Variants in EGFLAM observed in about 807,000 individuals in gnomAD.
EGFLAM encodes pikachurin.
Under a neutral mutation model 113.1 loss-of-function variants are expected in EGFLAM, and 79 were observed. The observed-to-expected ratio is 0.70, with a 90% CI of 0.58 to 0.84. EGFLAM has a LOEUF of 0.84. EGFLAM is among the 40% of genes least tolerant of loss of function. The pLI is 0.00. For synonymous variants in EGFLAM, 504 were observed against 487.6 expected, an observed-to-expected ratio of 1.03 and a Z score of -0.44; for missense variants, 1,265 against 1,291.6, an observed-to-expected ratio of 0.98 and a Z score of 0.32.
chr5:38,398,797 A>G (rs1008796146), intron 6 of EGFLAM, among the ~76,000 whole-genome samples: 4 of 152,216 alleles, frequency 2.6e-5, no homozygotes, highest in Non-Finnish European at 4.4e-5. Flanking sequence ...CTAACCAACC[A>G]ATTCTTGAAC....
At chr5:38,450,461 A>G (rs1561101737) in intron 18 of EGFLAM, among the ~76,000 whole-genome samples, 1 of 152,246 alleles carries the variant, frequency 6.6e-6, no homozygotes, top group Non-Finnish European at 1.5e-5. Context: ...TGTGTGAGAC[A>G]GACAGAGGGA....
chr5:38,325,721 A>G (rs1359475019), intron 1 of EGFLAM, among the ~76,000 whole-genome samples: 1 of 152,236 alleles, frequency 6.6e-6, no homozygotes, highest in Non-Finnish European at 1.5e-5. Flanking sequence ...CTCTTTACTG[A>G]TGAGCAGTTA....
At chr5:38,308,404 C>CATTCCCT (rs574312399) in intron 1 of EGFLAM, among the ~76,000 whole-genome samples, 1,850 of 152,266 alleles carry the variant, frequency 0.012, 44 homozygotes, top group African/African-American at 0.042. Context: ...ATGCTGAAGG[C>CATTCCCT]TGGGATGTAC....
chr5:38,353,799 T>C (rs540365471), intron 5 of EGFLAM, among the ~76,000 whole-genome samples: 1 of 152,334 alleles, frequency 6.6e-6, no homozygotes, highest in South Asian at 2.1e-4. Context: ...TCATTTTAGA[T>C]GGGCTTTTCC....
In EGFLAM at chr5:38,378,007, T is replaced by C. The variant is rs115331662; in HGVS notation, c.712+7545T>C. Among the ~76,000 whole-genome samples the C allele has an allele frequency of 9.4e-3, 1,426 of 152,332 alleles. 15 individuals carry two copies. The highest frequency in any genetic ancestry group is 0.032 in the African/African-American group (1,328 of 41,562). On this transcript the variant is annotated intron_variant, in intron 6 of 21. Transcript: ENST00000322350. ...AATTATGGTCTCAGATCCTCAGGGATTACATAGAGAAGTATGAGAGATGTT... is the reference window on the plus strand; with the variant it reads ...AATTATGGTCTCAGATCCTCAGGGACTACATAGAGAAGTATGAGAGATGTT...
rs1757966452 is a variant in EGFLAM, at chr5:38,279,537, AT to A, written c.97+20687del. Among the ~76,000 whole-genome samples, 3 of 152,246 alleles carry A rather than the reference AT, an allele frequency of 2.0e-5. No homozygotes were observed. The East Asian group carries it at 5.8e-4, about 29-fold the overall frequency. On this transcript the variant is annotated intron_variant, in intron 1 of 21. Transcript: ENST00000322350. ...CCACAATGATATATTATTCACCATA[AT>A]AAAAAGAAGGAAGTCATATCATTTG...
At chr5:38,423,306 TAGG>T (rs1435991151) in intron 12 of EGFLAM, among the ~76,000 whole-genome samples, 2 of 152,136 alleles carry the variant, frequency 1.3e-5, no homozygotes, top group Non-Finnish European at 2.9e-5. Context: ...TCACTCCCTA[TAGG>T]AGTTTTTTCA....
chr5:38,397,201 G>T (rs1281065576), intron 6 of EGFLAM, among the ~76,000 whole-genome samples: 3 of 152,206 alleles, frequency 2.0e-5, no homozygotes, highest in African/African-American at 4.8e-5. Flanking sequence ...AGTACTTAGA[G>T]CTACTTTTCC....
At chr5:38,299,955 A>G (rs950408281) in intron 1 of EGFLAM, among the ~76,000 whole-genome samples, 1 of 152,208 alleles carries the variant, frequency 6.6e-6, no homozygotes, top group South Asian at 2.1e-4. Context: ...CATAGAACTT[A>G]TACTCAAGCA....
At chr5:38,420,695 A>G (rs1741793618) in intron 12 of EGFLAM, among the ~76,000 whole-genome samples, 1 of 152,212 alleles carries the variant, frequency 6.6e-6, no homozygotes, top group African/African-American at 2.4e-5. Context: ...CTTCAGGGGA[A>G]CAGCCCTGAA....
chr5:38,452,183 G>T (rs1359449237), intron 19 of EGFLAM, among the ~76,000 whole-genome samples: 1 of 151,662 alleles, frequency 6.6e-6, no homozygotes, highest in Non-Finnish European at 1.5e-5. Flanking sequence ...ATTATAGCAC[G>T]TGCCACCATG....
intron 20 of EGFLAM, 142 bp from the exon 21 acceptor site, chr5:38,462,766 T>C (rs1743330261): frequency 3.2e-6 from 3 of 944,498 alleles, no homozygotes; most frequent in Admixed American, 4.8e-5. Context: ...GCTTTTTGCT[T>C]TGATTTCTGC....
chr5:38,457,380 G>C (rs1015522905), intron 19 of EGFLAM, among the ~76,000 whole-genome samples: 1 of 152,176 alleles, frequency 6.6e-6, no homozygotes, highest in Admixed American at 6.5e-5. Context: ...GGCTTCTTCT[G>C]GAGGGTCTCA....
chr5:38,461,129 G>T (rs576213981), intron 20 of EGFLAM: 2 of 152,110 alleles, frequency 1.3e-5, no homozygotes, highest in African/African-American at 2.4e-5. Context: ...TGCTTTGTAC[G>T]CATAACATCT....
At chr5:38,445,581 G>A (rs1742680625) in intron 17 of EGFLAM, 2 of 1,596,788 alleles carry the variant, frequency 1.3e-6, no homozygotes, top group South Asian at 1.1e-5. Context: ...AGAGAAACAA[G>A]GCTGGCTTCA....
At chr5:38,369,190 T>C (rs1740143283) in intron 5 of EGFLAM, among the ~76,000 whole-genome samples, 1 of 152,238 alleles carries the variant, frequency 6.6e-6, no homozygotes, top group African/African-American at 2.4e-5. Flanking sequence ...GAGTGGCATT[T>C]AAAGGGCAAG....
intron 1 of EGFLAM, among the ~76,000 whole-genome samples, chr5:38,300,708 T>C (rs1463666772): frequency 1.3e-5 from 2 of 152,138 alleles, no homozygotes; most frequent in African/African-American, 4.8e-5. Context: ...CTCTGGCTGT[T>C]GTGTTGAGAA....
intron 11 of EGFLAM, among the ~76,000 whole-genome samples, chr5:38,413,185 A>ATTTTTTTTT (rs34326457): frequency 3.2e-4 from 32 of 100,890 alleles, no homozygotes; most frequent in East Asian, 5.6e-4. Context: ...TGCCTGGCTA[A>ATTTTTTTTT]TTTTTTTTTT....
chr5:38,332,551 G>A (rs1293358245), intron 1 of EGFLAM, among the ~76,000 whole-genome samples: 1 of 152,172 alleles, frequency 6.6e-6, no homozygotes, highest in Non-Finnish European at 1.5e-5. Flanking sequence ...CGTGTGGAGT[G>A]GGAAATCAGG....
Sources: gnomAD v4.1 joint callset for allele counts (sites outside exome capture counted in the v4.1 genomes callset) on GRCh38, gnomAD v4.1.1 for gene constraint, MANE v1.5 for transcripts, NCBI Gene and HGNC (gene_info 2026-07-23, HGNC 2026-07-21) for gene names.